CNOT6L: variants seen among roughly 807,000 people sequenced by gnomAD.
The protein encoded by CNOT6L is CCR4-NOT transcription complex subunit 6 like.
In CNOT6L, 7 loss-of-function variants were observed where a neutral mutation model predicts 64.0. The observed-to-expected ratio is 0.11, with a 90% CI of 0.06 to 0.21. The LOEUF is 0.21. Among genes scored for constraint, CNOT6L ranks in the 10% least tolerant of loss-of-function variants. The pLI is 1.00. For missense variants in CNOT6L, 245 were observed against 669.0 expected, an observed-to-expected ratio of 0.37 and a Z score of 6.99; for synonymous variants, 193 against 243.4, an observed-to-expected ratio of 0.79 and a Z score of 1.93.
In CNOT6L at chr4:77,717,326, A is replaced by T. The variant is rs1415160433; in HGVS notation, c.*3105T>A. ...TGCCTGAGAGAGTGGGTGACTTGACATGCACTTGTATGACTGTAATAATGG... is the reference window on the plus strand; with the variant it reads ...TGCCTGAGAGAGTGGGTGACTTGACTTGCACTTGTATGACTGTAATAATGG... On this transcript the variant is annotated 3_prime_UTR_variant, in exon 12 of 12. Transcript: ENST00000504123. The T allele has an allele frequency of 6.6e-6, 1 of 152,488 alleles. No individual in the cohort carries two copies. The highest frequency in any genetic ancestry group is 1.5e-5 in the Non-Finnish European group (1 of 67,990). The allele number at this position is 152,488 out of a possible 1,614,324, so 9.4% of individuals were successfully genotyped here.
At chr4:77,733,751 AT>A (rs1157630956) in intron 8 of CNOT6L, among the ~76,000 whole-genome samples, 1 of 152,050 alleles carries the variant, frequency 6.6e-6, no homozygotes, top group Non-Finnish European at 1.5e-5. Context: ...CATTTTTTCC[AT>A]TAAAACTAGA....
At chr4:77,776,460 G>A (rs1699452786) in intron 1 of CNOT6L, 68 bp from the exon 2 acceptor site, 1 of 1,121,934 alleles carries the variant, frequency 8.9e-7, no homozygotes. Flanking sequence ...GAGAAAATAG[G>A]ATGGTAAACT....
At chr4:77,819,126 C>T (rs1733998904) in intron 1 of CNOT6L, 178 bp downstream of exon 1, 1 of 1,248,276 alleles carries the variant, frequency 8.0e-7, no homozygotes, top group East Asian at 2.5e-5. Context: ...CCCGCCGCCC[C>T]CTCCAGTCAC....
At chr4:77,767,552 A>G (rs974970172) in intron 4 of CNOT6L, among the ~76,000 whole-genome samples, 1 of 152,140 alleles carries the variant, frequency 6.6e-6, no homozygotes, top group African/African-American at 2.4e-5. Context: ...TTAATACACA[A>G]GAGAAGTGAC....
upstream of CNOT6L, chr4:77,819,450 C>CAA: frequency 6.4e-7 from 1 of 1,553,622 alleles, no homozygotes; most frequent in South Asian, 1.1e-5. Flanking sequence ...GACGCAAACA[C>CAA]AAACACCCAC....
intron 5 of CNOT6L, among the ~76,000 whole-genome samples, chr4:77,755,583 C>T (rs1228752965): frequency 6.6e-6 from 1 of 152,082 alleles, no homozygotes; most frequent in Non-Finnish European, 1.5e-5. Context: ...ATTAAATTGC[C>T]ACATATTCCT....
intron 1 of CNOT6L, among the ~76,000 whole-genome samples, chr4:77,780,969 G>A (rs1368303379): frequency 1.3e-5 from 2 of 151,982 alleles, no homozygotes; most frequent in African/African-American, 4.8e-5. Context: ...GCAAGACCCT[G>A]CCTCTAAAAA....
rs975362083 is a variant in CNOT6L, at chr4:77,811,766, G to A, written c.5+7538C>T. Among the ~76,000 whole-genome samples, 14 of 151,656 alleles carry A rather than the reference G, an allele frequency of 9.2e-5. No individual in the cohort carries two copies. In the East Asian group the frequency reaches 2.7e-3, roughly 29 times the overall value. On this transcript the variant is annotated intron_variant, in intron 1 of 11. Coordinates refer to ENST00000504123, the MANE Select transcript of CNOT6L (RefSeq NM_144571.3). ...CACAAACAAACACTCAACAATCTAGGAAATGAACTTCCTCAACCTGATAAA... is the reference window on the plus strand; with the variant it reads ...CACAAACAAACACTCAACAATCTAGAAAATGAACTTCCTCAACCTGATAAA...
intron 4 of CNOT6L, among the ~76,000 whole-genome samples, chr4:77,767,832 A>AG (rs1008964059): frequency 6.6e-6 from 1 of 151,842 alleles, no homozygotes; most frequent in African/African-American, 2.4e-5. Flanking sequence ...TACAAAAACT[A>AG]GCTGGGCATG....
chr4:77,819,556 C>T (rs1216484974), upstream of CNOT6L: 1 of 431,090 alleles, frequency 2.3e-6, no homozygotes, highest in African/African-American at 2.2e-5. Flanking sequence ...GAACCCGGGC[C>T]CGGGGTCTCG....
chr4:77,805,073 A>G (rs1188694571), intron 1 of CNOT6L, among the ~76,000 whole-genome samples: 1 of 152,174 alleles, frequency 6.6e-6, no homozygotes, highest in Non-Finnish European at 1.5e-5. Context: ...CCAATTTTTC[A>G]TATACATGGC....
chr4:77,799,239 G>A, intron 1 of CNOT6L, among the ~76,000 whole-genome samples: 1 of 152,048 alleles, frequency 6.6e-6, no homozygotes. Flanking sequence ...ACCAGCCTGG[G>A]CAACACATCA....
chr4:77,794,215 T>C (rs1730523871), intron 1 of CNOT6L, among the ~76,000 whole-genome samples: 1 of 148,782 alleles, frequency 6.7e-6, no homozygotes, highest in Non-Finnish European at 1.5e-5. Context: ...TATAGTCTTA[T>C]AGTCTGGTAG....
upstream of CNOT6L, among the ~76,000 whole-genome samples, chr4:77,819,833 C>A (rs962357980): frequency 1.3e-5 from 2 of 151,224 alleles, no homozygotes; most frequent in Admixed American, 6.6e-5. Context: ...CTGAAGGGAG[C>A]GAGGAGACAG....
At chr4:77,811,656 A>G (rs111620603) in intron 1 of CNOT6L, among the ~76,000 whole-genome samples, 2 of 152,296 alleles carry the variant, frequency 1.3e-5, no homozygotes, top group African/African-American at 4.8e-5. Context: ...TTATTACCTG[A>G]CATAGCATCT....
chr4:77,727,096 T>C (rs1038584029), intron 10 of CNOT6L, among the ~76,000 whole-genome samples: 2 of 152,302 alleles, frequency 1.3e-5, no homozygotes, highest in South Asian at 4.1e-4. Flanking sequence ...TAAGGATTGA[T>C]AGTAAGATAT....
In CNOT6L at chr4:77,719,646, A is replaced by G. The variant is rs1345614613; in HGVS notation, c.*785T>C. 1 of 152,592 alleles carries G rather than the reference A, an allele frequency of 6.6e-6. No homozygotes were observed. Among genetic ancestry groups the G allele is most frequent in the East Asian group, 1.9e-4 (1 of 5,196 alleles). The allele number at this position is 152,592 out of a possible 1,614,324, so 9.5% of individuals were successfully genotyped here. The stretch of plus-strand genomic sequence containing the variant: ...GGGCATCCTAAACATACCACATTCT[A>G]TTTTCAAGGTATGTGGCAATACAGA... On this transcript the variant is annotated 3_prime_UTR_variant, in exon 12 of 12. Transcript: ENST00000504123.
intron 8 of CNOT6L, among the ~76,000 whole-genome samples, chr4:77,732,048 C>T (rs1447921150): frequency 1.3e-5 from 2 of 151,932 alleles, no homozygotes; most frequent in Non-Finnish European, 1.5e-5. Flanking sequence ...TTATTTCTAC[C>T]ACATCAAGAT....
intron 1 of CNOT6L, among the ~76,000 whole-genome samples, chr4:77,791,412 C>A (rs746797388): frequency 1.3e-5 from 2 of 150,550 alleles, no homozygotes; most frequent in Non-Finnish European, 3.0e-5. Context: ...CAAATGTGTA[C>A]GGTTAAAAAA....
Sources: gnomAD v4.1 joint callset for allele counts (sites outside exome capture counted in the v4.1 genomes callset) on GRCh38, gnomAD v4.1.1 for gene constraint, MANE v1.5 for transcripts, NCBI Gene and HGNC (gene_info 2026-07-23, HGNC 2026-07-21) for gene names.